Variants in RUSC2 observed in about 807,000 individuals in gnomAD.
RUSC2 encodes AP-4 complex accessory subunit RUSC2.
Under a neutral mutation model 122.2 loss-of-function variants are expected in RUSC2, and 34 were observed. The observed-to-expected ratio is 0.28, with a 90% CI of 0.21 to 0.37. RUSC2 has a LOEUF of 0.37. Ranked by LOEUF, RUSC2 falls within the 10% of genes least tolerant of loss-of-function variation. The pLI is 1.00. For synonymous variants in RUSC2, 784 were observed against 790.0 expected, an observed-to-expected ratio of 0.99 and a Z score of 0.13; for missense variants, 1,747 against 1,952.4, an observed-to-expected ratio of 0.89 and a Z score of 1.98.
chr9:35,508,921 A>G (rs1820965569), intron 1 of RUSC2, among the ~76,000 whole-genome samples: 1 of 152,244 alleles, frequency 6.6e-6, no homozygotes, highest in South Asian at 2.1e-4. Flanking sequence ...GAGTCCACTC[A>G]GCACCCAGCA....
intron 1 of RUSC2, among the ~76,000 whole-genome samples, chr9:35,498,953 C>T (rs1820771140): frequency 6.6e-6 from 1 of 151,908 alleles, no homozygotes; most frequent in Non-Finnish European, 1.5e-5. Context: ...TTAATAGACA[C>T]TGAAAACAAC....
intron 1 of RUSC2, among the ~76,000 whole-genome samples, chr9:35,499,461 T>TTAAA (rs1820782215): frequency 6.6e-6 from 1 of 152,200 alleles, no homozygotes; most frequent in South Asian, 2.1e-4. Flanking sequence ...AAGTCTTTTA[T>TTAAA]CTTCAAGAAA....
chr9:35,517,916 A>G (rs959049865), intron 1 of RUSC2, among the ~76,000 whole-genome samples: 1 of 152,174 alleles, frequency 6.6e-6, no homozygotes, highest in African/African-American at 2.4e-5. Context: ...AGATGGATAC[A>G]GTTAGTCCTT....
intron 1 of RUSC2, among the ~76,000 whole-genome samples, chr9:35,524,182 G>C (rs1246292429): frequency 6.6e-6 from 1 of 151,960 alleles, no homozygotes; most frequent in Non-Finnish European, 1.5e-5. Flanking sequence ...AAATTAGCTA[G>C]GCATGGGGCA....
chr9:35,506,270 A>G (rs1337585024), intron 1 of RUSC2, among the ~76,000 whole-genome samples: 1 of 152,242 alleles, frequency 6.6e-6, no homozygotes, highest in Non-Finnish European at 1.5e-5. Context: ...AAAAAGGTGA[A>G]TTTTATACTA....
intron 1 of RUSC2, among the ~76,000 whole-genome samples, chr9:35,513,559 T>C (rs914254040): frequency 6.6e-6 from 1 of 151,430 alleles, no homozygotes; most frequent in Non-Finnish European, 1.5e-5. Flanking sequence ...TTGTACTTTG[T>C]AAATTGCTTA....
Position 35,548,372 on chromosome 9 carries a change from G to T in RUSC2, c.1851G>T (p.Trp617Cys), listed in dbSNP as rs1486540292. ...TTGGCCCAGACCCAAGTCCACCCTG[G>T]TCCACCCAGGTCTGTCAGGGACCCC... ...DLLGPDPSPP[W>C]STQVCQGPHS... Residue 617 changes from tryptophan (W) to cysteine (C), a missense_variant, in exon 2 of 12, where the codon TGG becomes TGT. Trp to Cys is a radical substitution (Grantham distance 215). Transcript: ENST00000361226. This position sits in a 1 kb window ranked among gnomAD's most constrained non-coding sequence, Gnocchi z 4.5. The T allele has an allele frequency of 1.2e-6, 2 of 1,613,928 alleles. No homozygotes were observed.
In RUSC2 at chr9:35,560,222, G is replaced by A. The variant is rs1822116895; in HGVS notation, c.3582G>A (p.Val1194=). 6.2e-7 allele frequency: 1 copy of A among 1,604,120 alleles called. No homozygotes were observed. Among genetic ancestry groups the A allele is most frequent in the Non-Finnish European group, 8.5e-7 (1 of 1,178,958 alleles). The change falls in exon 10 of 12, where the codon GTG becomes GTA. Residue 1194 remains valine, a synonymous_variant. Transcript: ENST00000361226. The stretch of plus-strand genomic sequence containing the variant: ...GGCAGCACAAGGAACTGCTGCGGGT[G>A]TCCCAGGACCTGCTGCTGTCTGCCC... ...QQRQHKELLR[V]SQDLLLSAHS...
intron 1 of RUSC2, among the ~76,000 whole-genome samples, chr9:35,491,088 C>T (rs1300082343): frequency 6.9e-6 from 1 of 144,982 alleles, no homozygotes; most frequent in Non-Finnish European, 1.5e-5. Flanking sequence ...TGATAAAGAA[C>T]ACAGGCCTTA....
At chr9:35,516,720 C>T (rs1459807420) in intron 1 of RUSC2, among the ~76,000 whole-genome samples, 2 of 152,058 alleles carry the variant, frequency 1.3e-5, no homozygotes, top group Admixed American at 6.6e-5. Flanking sequence ...CTAGGCAGGC[C>T]CACCAGGGTC....
chr9:35,509,169 A>T (rs1820970495), intron 1 of RUSC2, among the ~76,000 whole-genome samples: 1 of 152,194 alleles, frequency 6.6e-6, no homozygotes, highest in African/African-American at 2.4e-5. Context: ...TTCAAAAAAA[A>T]ATTAAAAATT....
intron 1 of RUSC2, among the ~76,000 whole-genome samples, chr9:35,526,778 CAAAAT>C (rs897676030): frequency 4.6e-5 from 7 of 152,094 alleles, no homozygotes; most frequent in East Asian, 1.9e-4. Context: ...TGTCTCAAAA[CAAAAT>C]AAAAGCCACA....
chr9:35,525,115 T>G (rs899358906), intron 1 of RUSC2, among the ~76,000 whole-genome samples: 1 of 152,220 alleles, frequency 6.6e-6, no homozygotes, highest in Non-Finnish European at 1.5e-5. Flanking sequence ...GGCCTTTTTT[T>G]GTGTGGGGAA....
chr9:35,500,548 A>G (rs1890591), intron 1 of RUSC2, among the ~76,000 whole-genome samples: 101,753 of 152,008 alleles, frequency 0.67, 34,389 homozygotes, highest in Non-Finnish European at 0.72. Context: ...AATTTTGTGG[A>G]TGGGCTGGTG....
chr9:35,508,558 A>C (rs971494566), intron 1 of RUSC2, among the ~76,000 whole-genome samples: 2 of 152,218 alleles, frequency 1.3e-5, no homozygotes, highest in African/African-American at 2.4e-5. Flanking sequence ...AGCCACTCTG[A>C]GATTGTCGTC....
chr9:35,490,345 G>A (rs1225658190), intron 1 of RUSC2, among the ~76,000 whole-genome samples, 173 bp downstream of exon 1: 2 of 151,272 alleles, frequency 1.3e-5, no homozygotes, highest in Non-Finnish European at 3.0e-5. Context: ...CCGACCCCCT[G>A]GGCAGACCTC....
chr9:35,527,905 C>T (rs1286148237), intron 1 of RUSC2, among the ~76,000 whole-genome samples: 1 of 152,292 alleles, frequency 6.6e-6, no homozygotes, highest in Middle Eastern at 3.4e-3. Flanking sequence ...GGTTTAGCTC[C>T]CTCACCTTCC....
chr9:35,491,125 A>G (rs1365308025), intron 1 of RUSC2, among the ~76,000 whole-genome samples: 2 of 151,964 alleles, frequency 1.3e-5, no homozygotes, highest in Non-Finnish European at 2.9e-5. Context: ...GGAATTTACA[A>G]AGGACAAAGG....
intron 2 of RUSC2, among the ~76,000 whole-genome samples, chr9:35,551,037 C>A (rs1265713218): frequency 6.6e-6 from 1 of 151,824 alleles, no homozygotes; most frequent in African/African-American, 2.4e-5. Flanking sequence ...CCACTGCACT[C>A]CAGTCTGGGT....
Sources: gnomAD v4.1 joint callset for allele counts (sites outside exome capture counted in the v4.1 genomes callset) on GRCh38, gnomAD v4.1.1 for gene constraint, Gnocchi (gnomAD v3.1) non-coding constraint, MANE v1.5 for transcripts, NCBI Gene and HGNC (gene_info 2026-07-23, HGNC 2026-07-21) for gene names.